Variants in HSD17B12 observed in about 807,000 individuals in gnomAD.
HSD17B12 encodes hydroxysteroid 17-beta dehydrogenase 12.
Under a neutral mutation model 39.3 loss-of-function variants are expected in HSD17B12, and 32 were observed. That is an observed-to-expected ratio of 0.81 (90% CI 0.61 to 1.09). The LOEUF (loss-of-function observed/expected upper bound fraction) is 1.09, where lower values mean the gene tolerates loss of function less well. HSD17B12 is among the 50% of genes least tolerant of loss of function. The pLI, the probability that HSD17B12 is intolerant of heterozygous loss-of-function variation, is 0.00. For missense variants in HSD17B12, 342 were observed against 382.9 expected, an observed-to-expected ratio of 0.89 and a Z score of 0.89; for synonymous variants, 150 against 146.7, an observed-to-expected ratio of 1.02 and a Z score of -0.16.
At chr11:43,702,282 A>G (rs781238325) in intron 1 of HSD17B12, among the ~76,000 whole-genome samples, 2 of 152,184 alleles carry the variant, frequency 1.3e-5, no homozygotes, top group African/African-American at 4.8e-5. Context: ...AAACAAGGAT[A>G]ATTTGACTTC....
chr11:43,634,543 G>A, the HSD17B12 span, among the ~76,000 whole-genome samples: 1 of 152,232 alleles, frequency 6.6e-6, no homozygotes, highest in Admixed American at 6.5e-5. Flanking sequence ...TGAACTCTTA[G>A]GCAAAACAAC....
At chr11:43,687,856 T>C (rs933385658) in intron 1 of HSD17B12, among the ~76,000 whole-genome samples, 1 of 152,248 alleles carries the variant, frequency 6.6e-6, no homozygotes, top group African/African-American at 2.4e-5. Flanking sequence ...TGGGAAAACA[T>C]TGTTACACAG....
chr11:43,623,748 G>A, the HSD17B12 span, among the ~76,000 whole-genome samples: 2 of 151,906 alleles, frequency 1.3e-5, no homozygotes, highest in Admixed American at 6.6e-5. Flanking sequence ...TAAGAAGATT[G>A]GTGGTGAGCT....
chr11:43,836,296 G>A (rs768570194), intron 7 of HSD17B12, among the ~76,000 whole-genome samples: 3 of 152,104 alleles, frequency 2.0e-5, no homozygotes, highest in Non-Finnish European at 4.4e-5. Flanking sequence ...CCAGTTATGT[G>A]AGAAAAGGTT....
At chr11:43,642,658 G>A in the HSD17B12 span, among the ~76,000 whole-genome samples, 1 of 151,552 alleles carries the variant, frequency 6.6e-6, no homozygotes, top group African/African-American at 2.4e-5. Flanking sequence ...AAAAAAGAGA[G>A]GGGAAAAAAA....
At chr11:43,678,420 A>G (rs980847940), upstream of HSD17B12, among the ~76,000 whole-genome samples, 1 of 152,168 alleles carries the variant, frequency 6.6e-6, no homozygotes, top group Admixed American at 6.5e-5. Flanking sequence ...TTTGCTGTGC[A>G]GAAGCTCTTT....
chr11:43,642,290 C>T, the HSD17B12 span, among the ~76,000 whole-genome samples: 1 of 151,298 alleles, frequency 6.6e-6, no homozygotes, highest in Non-Finnish European at 1.5e-5. Flanking sequence ...AGATTAAGAC[C>T]TACTTAAATT....
At chr11:43,737,477 T>C (rs1950327189) in intron 1 of HSD17B12, among the ~76,000 whole-genome samples, 1 of 152,242 alleles carries the variant, frequency 6.6e-6, no homozygotes, top group Non-Finnish European at 1.5e-5. Context: ...TTCTTTATAG[T>C]TGTCAGTTTC....
intron 3 of HSD17B12, among the ~76,000 whole-genome samples, chr11:43,782,913 G>A (rs1000571376): frequency 1.3e-5 from 2 of 152,180 alleles, no homozygotes; most frequent in Non-Finnish European, 2.9e-5. Flanking sequence ...AAATCAAAAT[G>A]ATGTGCCACC....
At chr11:43,623,703 A>C in the HSD17B12 span, among the ~76,000 whole-genome samples, 1,669 of 152,174 alleles carry the variant, frequency 0.011, 11 homozygotes, top group South Asian at 0.023. Context: ...AAAAAGAGGC[A>C]GAAACTCACA....
chr11:43,832,069 G>T (rs1250751885), intron 7 of HSD17B12, among the ~76,000 whole-genome samples: 1 of 152,168 alleles, frequency 6.6e-6, no homozygotes, highest in African/African-American at 2.4e-5. Flanking sequence ...ACACTATTTT[G>T]TGTATTTTAA....
intron 1 of HSD17B12, among the ~76,000 whole-genome samples, chr11:43,720,560 G>A (rs1337654275): frequency 6.6e-6 from 1 of 152,134 alleles, no homozygotes; most frequent in Non-Finnish European, 1.5e-5. Flanking sequence ...CAAAACCAAT[G>A]CTGCATATTT....
the HSD17B12 span, among the ~76,000 whole-genome samples, chr11:43,560,574 C>T: frequency 6.6e-6 from 1 of 152,142 alleles, no homozygotes; most frequent in East Asian, 1.9e-4. Context: ...GCTTACTTTC[C>T]ATTCTACTTG....
Position 43,736,715 on chromosome 11 carries a change from A to G in HSD17B12, c.161-14196A>G, listed in dbSNP as rs536443434. Among the ~76,000 whole-genome samples the G allele has an allele frequency of 9.2e-5, 14 of 152,308 alleles. No individual in the cohort carries two copies. The South Asian group carries it at 2.9e-3, about 32-fold the overall frequency. On this transcript the variant is annotated intron_variant, in intron 1 of 10. Coordinates refer to ENST00000278353, the MANE Select transcript of HSD17B12 (RefSeq NM_016142.3). ...GCATCACTTTCACTGTTTGTCTTTA[A>G]TAAAAATGGAGGAAGTTGCTGCTGT...
chr11:43,730,677 A>G (rs1255321448), intron 1 of HSD17B12, among the ~76,000 whole-genome samples: 2 of 152,204 alleles, frequency 1.3e-5, no homozygotes, highest in Non-Finnish European at 2.9e-5. Flanking sequence ...GGCCTGAGTG[A>G]GTCAGGCATG....
chr11:43,603,935 C>T, the HSD17B12 span, among the ~76,000 whole-genome samples: 5 of 152,020 alleles, frequency 3.3e-5, no homozygotes, highest in African/African-American at 1.2e-4. Context: ...TAATACAGAA[C>T]AATACATATT....
upstream of HSD17B12, chr11:43,680,691 C>A: frequency 1.3e-6 from 1 of 771,272 alleles, no homozygotes; most frequent in Non-Finnish European, 2.3e-6. Context: ...TATGGCCCCG[C>A]GGGCGGGGTT....
the HSD17B12 span, among the ~76,000 whole-genome samples, chr11:43,573,879 T>C: frequency 4.6e-5 from 7 of 152,222 alleles, no homozygotes; most frequent in African/African-American, 1.7e-4. Context: ...AAGGAGACTT[T>C]ATTGAAACAC....
chr11:43,804,943 TC>T (rs1951004661), intron 4 of HSD17B12, among the ~76,000 whole-genome samples: 1 of 152,208 alleles, frequency 6.6e-6, no homozygotes, highest in South Asian at 2.1e-4. Context: ...TGGTTTGGGA[TC>T]CAGAGATGGC....
Sources: allele counts gnomAD v4.1 joint callset (sites outside exome capture counted in the v4.1 genomes callset), GRCh38; gene constraint gnomAD v4.1.1; transcripts MANE v1.5; gene names NCBI Gene and HGNC (gene_info 2026-07-23, HGNC 2026-07-21).